The following ASB1 variants were observed in gnomAD, a reference collection of about 807,000 sequenced individuals.
The protein encoded by ASB1 is ankyrin repeat and SOCS box containing 1.
Under a neutral mutation model 27.7 loss-of-function variants are expected in ASB1, and 18 were observed. The observed-to-expected ratio is 0.65, with a 90% CI of 0.45 to 0.96. ASB1 has a LOEUF of 0.96. Among genes scored for constraint, ASB1 ranks in the 50% least tolerant of loss-of-function variants. The pLI is 0.00. For synonymous variants in ASB1, 189 were observed against 187.6 expected, an observed-to-expected ratio of 1.01 and a Z score of -0.06; for missense variants, 397 against 451.7, an observed-to-expected ratio of 0.88 and a Z score of 1.10.
At chr2:238,432,175 A>G (rs942547894) in intron 1 of ASB1, among the ~76,000 whole-genome samples, 32 of 152,296 alleles carry the variant, frequency 2.1e-4, no homozygotes, top group Admixed American at 9.1e-4. Flanking sequence ...TCTGTTACCT[A>G]GTAGGGTAGG....
intron 3 of ASB1, among the ~76,000 whole-genome samples, chr2:238,440,743 A>T (rs1702063790): frequency 6.6e-6 from 1 of 152,234 alleles, no homozygotes; most frequent in Non-Finnish European, 1.5e-5. Context: ...ATCTCTGAGT[A>T]CAGTGACAAG....
chr2:238,450,248 C>T lies in ASB1; in HGVS notation c.*3737C>T, dbSNP rs377470912. ...CCACAGCATAGCACTGGGGACAGAGCGCTCTATGCAGGTGAGGCGTATGAG... is the reference window on the plus strand; with the variant it reads ...CCACAGCATAGCACTGGGGACAGAGTGCTCTATGCAGGTGAGGCGTATGAG... On this transcript the variant is annotated 3_prime_UTR_variant, in exon 5 of 5. Coordinates refer to ENST00000264607, the MANE Select transcript of ASB1 (RefSeq NM_001040445.3). 4.6e-5 allele frequency: 7 copies of T among 152,182 alleles called. No individual in the cohort carries two copies. Among genetic ancestry groups the T allele is most frequent in the Non-Finnish European group, 7.3e-5 (5 of 68,056 alleles). 9.4% of individuals were successfully genotyped at this position (152,182 alleles called of 1,614,324 possible). A position where few individuals can be genotyped will look rare whatever the true frequency, so the allele number is the denominator to read the frequency against.
chr2:238,436,774 CTTT>C (rs66960467), intron 3 of ASB1, among the ~76,000 whole-genome samples: 4 of 147,050 alleles, frequency 2.7e-5, no homozygotes, highest in Non-Finnish European at 6.0e-5. Context: ...CTCTCTCTCT[CTTT>C]TTTTTTTTTA....
intron 3 of ASB1, among the ~76,000 whole-genome samples, chr2:238,442,477 G>A (rs941548611): frequency 1.3e-5 from 2 of 151,964 alleles, no homozygotes; most frequent in Non-Finnish European, 2.9e-5. Flanking sequence ...ATACGTTAAG[G>A]GTATTAACCC....
At chr2:238,443,052 G>GC (rs1702109529) in intron 3 of ASB1, among the ~76,000 whole-genome samples, 1 of 151,960 alleles carries the variant, frequency 6.6e-6, no homozygotes, top group South Asian at 2.1e-4. Context: ...AACTAATGTA[G>GC]CTCCGGGGAT....
At chr2:238,428,501 T>G (rs1339702443) in intron 1 of ASB1, among the ~76,000 whole-genome samples, 1 of 152,208 alleles carries the variant, frequency 6.6e-6, no homozygotes, top group Non-Finnish European at 1.5e-5. Flanking sequence ...ATTGGCATAT[T>G]GGCCAGGCTG....
intron 3 of ASB1, among the ~76,000 whole-genome samples, chr2:238,443,741 C>CT (rs61693685): frequency 0.25 from 36,593 of 145,604 alleles, 8,155 homozygotes; most frequent in African/African-American, 0.59. Flanking sequence ...ATATGCCCAC[C>CT]TTTTTTTTTT....
intron 4 of ASB1, among the ~76,000 whole-genome samples, chr2:238,445,204 C>G (rs1249832910): frequency 6.6e-6 from 1 of 152,052 alleles, no homozygotes; most frequent in East Asian, 1.9e-4. Context: ...GTGTTGAACT[C>G]CTGGGCTCAA....
intron 3 of ASB1, among the ~76,000 whole-genome samples, chr2:238,441,876 A>G (rs1702084408): frequency 1.3e-5 from 2 of 152,228 alleles, no homozygotes; most frequent in South Asian, 2.1e-4. Context: ...GTAAATGCAT[A>G]TGTAATTTTG....
chr2:238,429,243 C>T (rs1263614705), intron 1 of ASB1, among the ~76,000 whole-genome samples: 2 of 152,142 alleles, frequency 1.3e-5, no homozygotes, highest in Non-Finnish European at 2.9e-5. Context: ...TGCTTTATAC[C>T]TGCCTGTCTG....
intron 1 of ASB1, among the ~76,000 whole-genome samples, chr2:238,430,953 G>A (rs984198480): frequency 2.0e-5 from 3 of 152,272 alleles, no homozygotes; most frequent in African/African-American, 7.2e-5. Flanking sequence ...TCCATTTATA[G>A]TGCGCAGGCA....
chr2:238,431,432 C>A (rs148523572), intron 1 of ASB1, among the ~76,000 whole-genome samples: 37 of 152,354 alleles, frequency 2.4e-4, no homozygotes, highest in African/African-American at 8.9e-4. Flanking sequence ...CTCCAGACTA[C>A]TCAGATTTCC....
In ASB1 at chr2:238,450,681, C is replaced by T. The variant is rs937765810; in HGVS notation, c.*4170C>T. 1.1e-4 allele frequency: 17 copies of T among 152,098 alleles called. No homozygotes were observed. Among genetic ancestry groups the T allele is most frequent in the African/African-American group, 3.9e-4 (16 of 41,398 alleles). 9.4% of individuals were successfully genotyped at this position (152,098 alleles called of 1,614,324 possible). A position where few individuals can be genotyped will look rare whatever the true frequency, so the allele number is the denominator to read the frequency against. The stretch of plus-strand genomic sequence containing the variant: ...TGCGGTTTTAGGAAGTGCCAACACC[C>T]GTGGTGATGGGCCTCTGGCCACCCC... On this transcript the variant is annotated 3_prime_UTR_variant, in exon 5 of 5. Coordinates refer to ENST00000264607, the MANE Select transcript of ASB1 (RefSeq NM_001040445.3).
intron 3 of ASB1, among the ~76,000 whole-genome samples, chr2:238,437,252 G>A (rs1285587535): frequency 6.6e-6 from 1 of 151,268 alleles, no homozygotes; most frequent in Non-Finnish European, 1.5e-5. Flanking sequence ...TTTTTTTTGA[G>A]ACAGAGTCTT....
At chr2:238,435,544 C>T (rs550133044) in intron 2 of ASB1, among the ~76,000 whole-genome samples, 167 bp from the exon 3 acceptor site, 2 of 152,294 alleles carry the variant, frequency 1.3e-5, no homozygotes, top group East Asian at 1.9e-4. Context: ...TGCCATGCCC[C>T]GGTCCCGCAG....
At chr2:238,440,190 G>A (rs1702052663) in intron 3 of ASB1, among the ~76,000 whole-genome samples, 1 of 152,124 alleles carries the variant, frequency 6.6e-6, no homozygotes, top group Admixed American at 6.5e-5. Context: ...ATTTCTCCTA[G>A]GAGTCCTGGT....
intron 1 of ASB1, among the ~76,000 whole-genome samples, chr2:238,430,768 A>T (rs1248258974): frequency 6.6e-6 from 1 of 152,250 alleles, no homozygotes; most frequent in Non-Finnish European, 1.5e-5. Flanking sequence ...GTTCGCAGGC[A>T]TGAAAACAGC....
At position 238,435,949 on chromosome 2, in the gene ASB1, C is replaced by T. The variant is rs1184375305; in HGVS notation, c.430C>T (p.Arg144Cys). The change falls in exon 3 of 5, where the codon CGC (arginine) becomes TGC (cysteine). Residue 144 changes from arginine (R) to cysteine (C), a missense_variant. Arg to Cys is a radical substitution (Grantham distance 180, BLOSUM62 -3). Transcript: ENST00000264607. ...GADPNGSRHHRSTPVYHASRV... is the reference protein window; with the variant it reads ...GADPNGSRHHCSTPVYHASRV... ...GGACCCCAACGGAAGCCGGCACCAT[C>T]GCAGCACCCCTGTCTACCACGCCTC... 18 of 1,614,036 alleles carry T rather than the reference C, an allele frequency of 1.1e-5. No homozygotes were observed. The highest frequency in any genetic ancestry group is 6.7e-5 in the Admixed American group (4 of 60,014).
chr2:238,431,045 C>T (rs1292452005), intron 1 of ASB1, among the ~76,000 whole-genome samples: 1 of 152,262 alleles, frequency 6.6e-6, no homozygotes, highest in African/African-American at 2.4e-5. Flanking sequence ...TCAGCTTGTC[C>T]TTTAAAGCTT....
Sources: gnomAD v4.1 joint callset for allele counts (sites outside exome capture counted in the v4.1 genomes callset) on GRCh38, gnomAD v4.1.1 for gene constraint, MANE v1.5 for transcripts, NCBI Gene and HGNC (gene_info 2026-07-23, HGNC 2026-07-21) for gene names.